IL1RAPL1: variants seen among roughly 807,000 people sequenced by gnomAD.
IL1RAPL1 encodes the protein interleukin-1 receptor accessory protein-like 1.
Under a neutral mutation model 48.4 loss-of-function variants are expected in IL1RAPL1, and 3 were observed. That is an observed-to-expected ratio of 0.06 (90% CI 0.03 to 0.16). IL1RAPL1 has a LOEUF of 0.16. Ranked by LOEUF, IL1RAPL1 falls within the 10% of genes least tolerant of loss-of-function variation. The pLI, the probability that IL1RAPL1 is intolerant of heterozygous loss-of-function variation, is 1.00. For missense variants in IL1RAPL1, 349 were observed against 530.6 expected (o/e 0.66, Z 3.36); for synonymous variants, 185 against 187.7 (o/e 0.99, Z 0.12).
chrX:29,919,721 G>A (rs1052992060), intron 7 of IL1RAPL1, among the ~76,000 whole-genome samples: 2 of 112,071 alleles, frequency 1.8e-5, no homozygotes, highest in Admixed American at 1.9e-4. Context: ...GTCCTGCTAA[G>A]GGAGATAATT....
intron 1 of IL1RAPL1, among the ~76,000 whole-genome samples, chrX:28,752,422 G>A (rs962464453): frequency 1.8e-5 from 2 of 112,092 alleles, no homozygotes; most frequent in African/African-American, 6.5e-5. Flanking sequence ...CCCTGGAAAG[G>A]CTGGGAGAAT....
chrX:29,661,677 C>T (rs1925851906), intron 5 of IL1RAPL1, among the ~76,000 whole-genome samples: 1 of 111,844 alleles, frequency 8.9e-6, no homozygotes, highest in South Asian at 3.8e-4. Flanking sequence ...AATTAATCCA[C>T]CCTAAACTTG....
intron 2 of IL1RAPL1, among the ~76,000 whole-genome samples, chrX:29,245,298 G>A (rs149778320): frequency 1.0e-3 from 112 of 111,124 alleles, no homozygotes; most frequent in African/African-American, 3.6e-3. Flanking sequence ...CCCAGTAATG[G>A]GATTACTGGG....
rs1210343802 is a variant in IL1RAPL1 at position 29,624,818 on chromosome X, G to A, written c.704-43612G>A. Among the ~76,000 whole-genome samples, 15 of 111,551 alleles carry A rather than the reference G, an allele frequency of 1.3e-4. No individual in the cohort carries two copies. The Admixed American group carries it at 1.4e-3, about 11-fold the overall frequency. On this transcript the variant is annotated intron_variant, in intron 5 of 10. Transcript: ENST00000378993. Reference sequence around the variant, plus strand: ...CCAAGATTGCCCCCACTGCACTCCAGCCTGGGCAGCAGAGTAAGACCCTGT... The same window carrying A: ...CCAAGATTGCCCCCACTGCACTCCAACCTGGGCAGCAGAGTAAGACCCTGT...
chrX:29,492,681 T>A (rs940054368), intron 5 of IL1RAPL1, among the ~76,000 whole-genome samples: 6 of 112,176 alleles, frequency 5.3e-5, no homozygotes, highest in Admixed American at 3.8e-4. Flanking sequence ...GGACCATCTG[T>A]ATAATTCAGG....
chrX:28,621,457 C>T (rs1934284424), intron 1 of IL1RAPL1, among the ~76,000 whole-genome samples: 1 of 112,077 alleles, frequency 8.9e-6, no homozygotes, highest in African/African-American at 3.2e-5. Flanking sequence ...CATGGCAATG[C>T]ACCTTCCTCT....
chrX:29,917,402 T>C, intron 6 of IL1RAPL1, 62 bp from the exon 7 acceptor site: 1 of 1,055,068 alleles, frequency 9.5e-7, no homozygotes, highest in Non-Finnish European at 1.3e-6. Context: ...TACCTGTCAG[T>C]TTGCCTAAAA....
At position 29,808,469 on chromosome X, in the gene IL1RAPL1, A is replaced by G. The variant is rs1025790977; in HGVS notation, c.779-108995A>G. Among the ~76,000 whole-genome samples the G allele has an allele frequency of 9.8e-5, 11 of 111,802 alleles. 1 individual carries two copies. The East Asian group carries it at 2.8e-3, about 28-fold the overall frequency. ...TGCAATAAGGTTCAGTATGTTTGTT[A>G]TTAATTTCCATCACCGCTCCATGTG... On this transcript the variant is annotated intron_variant, in intron 6 of 10. Transcript: ENST00000378993.
intron 5 of IL1RAPL1, among the ~76,000 whole-genome samples, chrX:29,430,724 TATA>T (rs980384489): frequency 7.2e-5 from 8 of 110,412 alleles, no homozygotes; most frequent in Admixed American, 6.9e-4. Context: ...AATGTATACT[TATA>T]ATCTATATAT....
intron 2 of IL1RAPL1, among the ~76,000 whole-genome samples, chrX:28,812,901 C>T (rs1289371207): frequency 9.1e-6 from 1 of 110,309 alleles, no homozygotes; most frequent in South Asian, 3.8e-4. Flanking sequence ...TTGACATCAC[C>T]CAGGGCCCTC....
chrX:29,588,311 T>C (rs1431624187), intron 5 of IL1RAPL1, among the ~76,000 whole-genome samples: 1 of 112,399 alleles, frequency 8.9e-6, no homozygotes, highest in Non-Finnish European at 1.9e-5. Context: ...GTGTAATGGA[T>C]AAGGCTTTCC....
intron 2 of IL1RAPL1, among the ~76,000 whole-genome samples, chrX:28,841,465 A>AT (rs1014157409): frequency 1.8e-5 from 2 of 111,369 alleles, no homozygotes; most frequent in Non-Finnish European, 3.8e-5. Flanking sequence ...AATGATACAT[A>AT]TTTTTAACAT....
At chrX:29,586,487 T>C (rs1923166031) in intron 5 of IL1RAPL1, among the ~76,000 whole-genome samples, 1 of 112,051 alleles carries the variant, frequency 8.9e-6, no homozygotes, top group African/African-American at 3.2e-5. Flanking sequence ...GTGAAACCTC[T>C]AACATTTTCT....
At chrX:29,705,682 C>T (rs112087020) in intron 6 of IL1RAPL1, among the ~76,000 whole-genome samples, 8 of 112,010 alleles carry the variant, frequency 7.1e-5, no homozygotes, top group Middle Eastern at 4.6e-3. Context: ...CTCTGTTCTG[C>T]GGAAACCTGT....
At chrX:29,260,925 A>G (rs1306536599) in intron 2 of IL1RAPL1, among the ~76,000 whole-genome samples, 1 of 107,659 alleles carries the variant, frequency 9.3e-6, no homozygotes, top group African/African-American at 3.3e-5. Context: ...TATATATTAT[A>G]TATAATAAAT....
At chrX:28,851,481 G>A (rs1192745728) in intron 2 of IL1RAPL1, among the ~76,000 whole-genome samples, 1 of 110,233 alleles carries the variant, frequency 9.1e-6, no homozygotes, top group Non-Finnish European at 1.9e-5. Flanking sequence ...AAGTATTATC[G>A]GCATACTAAC....
chrX:28,953,922 A>G (rs1022930976), intron 2 of IL1RAPL1, among the ~76,000 whole-genome samples: 6 of 111,557 alleles, frequency 5.4e-5, no homozygotes, highest in African/African-American at 1.6e-4. Flanking sequence ...CATTTTTTCA[A>G]GATTTGAAAG....
chrX:29,617,880 T>G (rs1402688706), intron 5 of IL1RAPL1, among the ~76,000 whole-genome samples: 3 of 111,843 alleles, frequency 2.7e-5, no homozygotes, highest in African/African-American at 9.8e-5. Flanking sequence ...CATTGAGATT[T>G]GATGGAAAGA....
At chrX:29,077,608 GAAAAAA>G (rs529366182) in intron 2 of IL1RAPL1, among the ~76,000 whole-genome samples, 3 of 41,435 alleles carry the variant, frequency 7.2e-5, no homozygotes, top group African/African-American at 3.9e-4. Context: ...GTCTCAAAAA[GAAAAAA>G]AAAAAAAAGA....
Sources: gnomAD v4.1 joint callset for allele counts (sites outside exome capture counted in the v4.1 genomes callset) on GRCh38, gnomAD v4.1.1 for gene constraint, MANE v1.5 for transcripts, NCBI Gene and HGNC (gene_info 2026-07-23, HGNC 2026-07-21) for gene names.